The following TIGD7 variants were observed in gnomAD, a reference collection of about 807,000 sequenced individuals.
TIGD7 encodes the protein tigger transposable element-derived protein 7.
Under a neutral mutation model 24.8 loss-of-function variants are expected in TIGD7, and 26 were observed. The ratio of observed to expected loss-of-function variants is 1.05; its 90% CI spans 0.77 to 1.45. TIGD7 has a LOEUF of 1.45. Among genes scored for constraint, TIGD7 ranks in the 40% most tolerant of loss-of-function variants. TIGD7 has a pLI of 0.00. For missense variants in TIGD7, 679 were observed against 641.6 expected, an observed-to-expected ratio of 1.06 and a Z score of -0.63; for synonymous variants, 221 against 224.1, an observed-to-expected ratio of 0.99 and a Z score of 0.12.
intron 1 of TIGD7, chr16:3,304,959 T>C (rs774430193): frequency 2.6e-5 from 4 of 152,106 alleles, no homozygotes; most frequent in African/African-American, 9.7e-5. Context: ...CAAGGAGAGA[T>C]AGAAAAAGAA....
Position 3,299,858 on chromosome 16 carries a change from T to C in TIGD7, c.757A>G (p.Lys253Glu), listed in dbSNP as rs368877455. The change falls in exon 2 of 2, where the codon AAA (lysine) becomes GAA (glutamate). Residue 253 changes from lysine (K) to glutamate (E), a missense_variant. By Grantham distance (56) the Lys-to-Glu change is moderately conservative (BLOSUM62 1). Transcript: ENST00000396862. ...AATTCTCTGGTGAACCAAACATCTTTACTGGGTTTATATATCACAGGCAAT... is the reference window on the plus strand; with the variant it reads ...AATTCTCTGGTGAACCAAACATCTTCACTGGGTTTATATATCACAGGCAAT... ...STLPVIYKPS[K>E]DVWFTRELFS... The C allele has an allele frequency of 4.4e-6, 7 of 1,594,442 alleles. No homozygotes were observed. In the African/African-American group the frequency reaches 8.1e-5, roughly 18 times the overall value.
rs2107216 is a variant in TIGD7, at chr16:3,300,686, A to C, written c.-72T>G. 27,639 of 1,511,054 alleles carry C rather than the reference A, an allele frequency of 0.018. 1,977 individuals are homozygous for C. The African/African-American group carries it at 0.22, about 12-fold the overall frequency. 93.6% of individuals were successfully genotyped at this position (1,511,054 alleles called of 1,614,324 possible). ...GCCTTAATGAATTGGCAAAAAAAAA[A>C]CCCACATTTTTTAAACAAAACTTAG... On this transcript the variant is annotated 5_prime_UTR_variant, in exon 2 of 2. Coordinates refer to ENST00000396862, the MANE Select transcript of TIGD7 (RefSeq NM_033208.4).
chr16:3,300,269 G>T lies in TIGD7; in HGVS notation c.346C>A (p.Arg116=). Residue 116 remains arginine (R), a synonymous_variant, in exon 2 of 2, where the codon CGA becomes AGA. Coordinates refer to ENST00000396862, the MANE Select transcript of TIGD7 (RefSeq NM_033208.4). ...CCAGTGCTAGCTTTGAAATCTGTTC[G>T]CCCAAAACACCGTGCAAATCTCTCT... ...AAERFARCFG[R]TDFKASTGWL... 1 of 1,614,100 alleles carries T rather than the reference G, an allele frequency of 6.2e-7. No individual in the cohort carries two copies. The highest frequency in any genetic ancestry group is 8.5e-7 in the Non-Finnish European group (1 of 1,180,028).
At chr16:3,304,205 C>T (rs984384292) in intron 1 of TIGD7, among the ~76,000 whole-genome samples, 1 of 152,188 alleles carries the variant, frequency 6.6e-6, no homozygotes, top group Non-Finnish European at 1.5e-5. Context: ...GCCACATAAA[C>T]TCGTTTTCTA....
chr16:3,303,799 C>G (rs1156981880), intron 1 of TIGD7: 1 of 152,208 alleles, frequency 6.6e-6, no homozygotes, highest in Non-Finnish European at 1.5e-5. Context: ...GTCCAAAACG[C>G]TCAAATGGTG....
intron 1 of TIGD7, among the ~76,000 whole-genome samples, chr16:3,304,539 T>C (rs985560726): frequency 2.0e-5 from 3 of 152,354 alleles, no homozygotes; most frequent in Admixed American, 6.5e-5. Flanking sequence ...CTCTGCAATA[T>C]TGGCTACACA....
rs1567258117 is a variant in TIGD7 at position 3,299,222 on chromosome 16, C to G, written c.1393G>C (p.Gly465Arg). 6.2e-7 allele frequency: 1 copy of G among 1,607,256 alleles called. No individual in the cohort carries two copies. Among genetic ancestry groups the G allele is most frequent in the African/African-American group, 1.3e-5 (1 of 74,596 alleles). ...GCAGTCTGCTTCTCAGCTTCTCCTCCTTTTTGAACAACTTCCTTTGTTATT... is the reference window on the plus strand; with the variant it reads ...GCAGTCTGCTTCTCAGCTTCTCCTCGTTTTTGAACAACTTCCTTTGTTATT... The part of the protein sequence containing the change: ...GGITKEVVQK[G>R]GEAEKQTAEF... The change falls in exon 2 of 2, where the codon GGA becomes CGA. Residue 465 changes from glycine (G) to arginine (R), a missense_variant. Physicochemically the swap from Gly to Arg is moderately radical, Grantham distance 125 (BLOSUM62 -2). Transcript: ENST00000396862.
At position 3,301,503 on chromosome 16, in the gene TIGD7, G is replaced by A. The variant is rs982483806; in HGVS notation, c.-889C>T. 4.2e-5 allele frequency: 7 copies of A among 166,920 alleles called. No homozygotes were observed. Among genetic ancestry groups the A allele is most frequent in the Non-Finnish European group, 8.8e-5 (6 of 68,094 alleles). The allele number at this position is 166,920 out of a possible 1,614,324, so 10.3% of individuals were successfully genotyped here. A position where few individuals can be genotyped will look rare whatever the true frequency, so the allele number is the denominator to read the frequency against. On this transcript the variant is annotated 5_prime_UTR_variant, in exon 2 of 2. Transcript: ENST00000396862. Reference sequence around the variant, plus strand: ...ACCATTCTCAGATCTTCTTTCTTGGGAACATCTGATTTATTCTCAAGTGCT... The same window carrying A: ...ACCATTCTCAGATCTTCTTTCTTGGAAACATCTGATTTATTCTCAAGTGCT...
chr16:3,299,583 C>A lies in TIGD7; in HGVS notation c.1032G>T (p.Trp344Cys). ...TTACAAGACTCTCTTCAAGTTGCTT[C>A]CATCTATACAGCCGTTTGCAGCTCA... The part of the protein sequence containing the change: ...VILSCKRLYR[W>C]KQLEESLVIF... Residue 344 changes from tryptophan to cysteine, a missense_variant, in exon 2 of 2, where the codon TGG (tryptophan) becomes TGT (cysteine). Coordinates refer to ENST00000396862, the MANE Select transcript of TIGD7 (RefSeq NM_033208.4). 1 of 1,541,750 alleles carries A rather than the reference C, an allele frequency of 6.5e-7. No individual in the cohort carries two copies. Among genetic ancestry groups the A allele is most frequent in the South Asian group, 1.3e-5 (1 of 78,680 alleles).
intron 1 of TIGD7, among the ~76,000 whole-genome samples, chr16:3,303,053 G>T (rs1384811234): frequency 6.6e-6 from 1 of 152,068 alleles, no homozygotes; most frequent in East Asian, 1.9e-4. Context: ...GGCCAGGCTG[G>T]TCTCGAACTC....
At chr16:3,304,443 C>T (rs1050252025) in intron 1 of TIGD7, among the ~76,000 whole-genome samples, 3 of 152,174 alleles carry the variant, frequency 2.0e-5, no homozygotes, top group Non-Finnish European at 4.4e-5. Context: ...CAGTTTATGT[C>T]CTATTCTTAC....
In TIGD7 at chr16:3,299,328, C is replaced by A; in HGVS notation, c.1287G>T (p.Glu429Asp). 6.3e-7 allele frequency: 1 copy of A among 1,595,724 alleles called. No homozygotes were observed. Among genetic ancestry groups the A allele is most frequent in the African/African-American group, 1.4e-5 (1 of 73,898 alleles). Residue 429 changes from glutamate (E) to aspartate (D), a missense_variant, in exon 2 of 2, where the codon GAG becomes GAT. Transcript: ENST00000396862. Reference sequence around the variant, plus strand: ...TATCATCATCCAACTTAGTTTCCAACTCCCCACATTTTTCAAGAATTTCTC... The same window carrying A: ...TATCATCATCCAACTTAGTTTCCAAATCCCCACATTTTTCAAGAATTTCTC... ...DYREILEKCG[E>D]LETKLDDDRV...
In TIGD7 at chr16:3,299,810, T is replaced by C. The variant is rs182315954; in HGVS notation, c.805A>G (p.Asn269Asp). Residue 269 changes from asparagine (N) to aspartate (D), a missense_variant, in exon 2 of 2, where the codon AAC (asparagine) becomes GAC (aspartate). Physicochemically the swap from Asn to Asp is conservative, Grantham distance 23 (BLOSUM62 1). Transcript: ENST00000396862. The part of the protein sequence containing the change: ...RELFSEWFFQ[N>D]FVPEVRHFQL... ...AAATGTCGGACCTCAGGAACAAAGT[T>C]TTGAAAAAACCATTCTGAAAACAAT... 127 of 1,586,152 alleles carry C rather than the reference T, an allele frequency of 8.0e-5. No homozygotes were observed. Among genetic ancestry groups the C allele is most frequent in the Non-Finnish European group, 1.1e-4 (125 of 1,170,228 alleles).
chr16:3,300,677 A>G lies in TIGD7; in HGVS notation c.-63T>C, dbSNP rs1313376247. ...AAGGGAAAAGCCTTAATGAATTGGC[A>G]AAAAAAAAACCCACATTTTTTAAAC... On this transcript the variant is annotated 5_prime_UTR_variant, in exon 2 of 2. Coordinates refer to ENST00000396862, the MANE Select transcript of TIGD7 (RefSeq NM_033208.4). 2 of 1,366,676 alleles carry G rather than the reference A, an allele frequency of 1.5e-6. No individual in the cohort carries two copies. Among genetic ancestry groups the G allele is most frequent in the Admixed American group, 2.7e-5 (1 of 37,096 alleles). 84.7% of individuals were successfully genotyped at this position (1,366,676 alleles called of 1,614,324 possible).
rs1312057471 is a variant in TIGD7, at chr16:3,299,204, G to A, written c.1411C>T (p.Gln471Ter). 9 of 1,603,228 alleles carry A rather than the reference G, an allele frequency of 5.6e-6. No homozygotes were observed. In the East Asian group the frequency reaches 1.8e-4, roughly 32 times the overall value. ...VVQKGGEAEKQTAEFKLSAVR... is the reference protein window; with the variant it reads ...VVQKGGEAEK Reference sequence around the variant, plus strand: ...GCAGATAATTTAAATTCAGCAGTCTGCTTCTCAGCTTCTCCTCCTTTTTGA... The same window carrying A: ...GCAGATAATTTAAATTCAGCAGTCTACTTCTCAGCTTCTCCTCCTTTTTGA... Residue 471 changes from glutamine to a stop codon, truncating the protein, a stop_gained, in exon 2 of 2, where the codon CAG becomes TAG. Coordinates refer to ENST00000396862, the MANE Select transcript of TIGD7 (RefSeq NM_033208.4). LOFTEE classifies it high-confidence loss of function.
intron 1 of TIGD7, chr16:3,304,640 T>G (rs746694292): frequency 6.6e-6 from 1 of 152,226 alleles, no homozygotes; most frequent in Non-Finnish European, 1.5e-5. Flanking sequence ...ACTTATTAAA[T>G]AATCCCTCAA....
chr16:3,302,286 C>T (rs1959958785), intron 1 of TIGD7, among the ~76,000 whole-genome samples: 1 of 152,122 alleles, frequency 6.6e-6, no homozygotes, highest in Admixed American at 6.5e-5. Flanking sequence ...TGCCACCACA[C>T]CCGGCTAATT....
chr16:3,302,492 A>T (rs964963199), intron 1 of TIGD7, among the ~76,000 whole-genome samples: 2 of 152,204 alleles, frequency 1.3e-5, no homozygotes, highest in Non-Finnish European at 2.9e-5. Flanking sequence ...TTCCTGTAAC[A>T]TTCATTGCAA....
In TIGD7 at chr16:3,301,843, C is replaced by T. The variant is rs893664099; in HGVS notation, c.-1229G>A. 1.2e-5 allele frequency: 2 copies of T among 167,060 alleles called. No homozygotes were observed. The highest frequency in any genetic ancestry group is 6.5e-5 in the Admixed American group (1 of 15,278). 10.3% of individuals were successfully genotyped at this position (167,060 alleles called of 1,614,324 possible). On this transcript the variant is annotated 5_prime_UTR_variant, in exon 2 of 2. Coordinates refer to ENST00000396862, the MANE Select transcript of TIGD7 (RefSeq NM_033208.4). The stretch of plus-strand genomic sequence containing the variant: ...TCATAAATCCTACTGGCAAACTCTT[C>T]TGTCCCTCTAGGCCCTCAAATACTC...
Sources: allele counts gnomAD v4.1 joint callset (sites outside exome capture counted in the v4.1 genomes callset), GRCh38; gene constraint gnomAD v4.1.1; transcripts MANE v1.5; gene names NCBI Gene and HGNC (gene_info 2026-07-23, HGNC 2026-07-21).